Variants in TSG101 observed in about 807,000 individuals in gnomAD.
TSG101 encodes tumor susceptibility gene 101 protein.
A neutral mutation model predicts 48.5 loss-of-function variants in TSG101; 19 were observed. The observed-to-expected ratio is 0.39, with a 90% CI of 0.27 to 0.58. The LOEUF (loss-of-function observed/expected upper bound fraction) is 0.58, where lower values mean the gene tolerates loss of function less well. Ranked by LOEUF, TSG101 falls within the 20% of genes least tolerant of loss-of-function variation. The probability of loss-of-function intolerance (pLI) is 0.55; values close to 1 mark genes in which losing one functional copy is unlikely to be tolerated. For missense variants in TSG101, 365 were observed against 484.4 expected (o/e 0.75, Z 2.31); for synonymous variants, 174 against 169.4 (o/e 1.03, Z -0.21).
intron 2 of TSG101, among the ~76,000 whole-genome samples, chr11:18,516,834 G>A (rs566529284): frequency 2.0e-5 from 3 of 151,546 alleles, no homozygotes; most frequent in African/African-American, 7.2e-5. Context: ...CCAGCTACTC[G>A]GAAGGCTGAG....
intron 7 of TSG101, among the ~76,000 whole-genome samples, chr11:18,491,250 T>G (rs1849697002): frequency 6.6e-6 from 1 of 152,038 alleles, no homozygotes; most frequent in African/African-American, 2.4e-5. Context: ...CCTGACTAAT[T>G]AGAGTGTTCT....
At chr11:18,505,313 G>C (rs899419301) in intron 6 of TSG101, among the ~76,000 whole-genome samples, 1 of 151,592 alleles carries the variant, frequency 6.6e-6, no homozygotes, top group African/African-American at 2.4e-5. Context: ...CTGGAGTACA[G>C]TGGTGCAATT....
intron 7 of TSG101, among the ~76,000 whole-genome samples, chr11:18,488,311 C>T (rs932882548): frequency 6.6e-6 from 1 of 152,018 alleles, no homozygotes; most frequent in Non-Finnish European, 1.5e-5. Flanking sequence ...AGCAGATGGA[C>T]AAACAGATGG....
chr11:18,483,724 G>A, intron 8 of TSG101, 146 bp downstream of exon 8: 1 of 808,222 alleles, frequency 1.2e-6, no homozygotes, highest in East Asian at 2.6e-5. Flanking sequence ...TGTAAACAAA[G>A]GTATAAAAAA....
chr11:18,503,747 T>C (rs968721921), intron 6 of TSG101, among the ~76,000 whole-genome samples: 1 of 152,212 alleles, frequency 6.6e-6, no homozygotes, highest in African/African-American at 2.4e-5. Flanking sequence ...TCTGAATGCT[T>C]ACTAGTCAGT....
At chr11:18,521,799 T>C (rs1410129415) in intron 1 of TSG101, among the ~76,000 whole-genome samples, 2 of 149,518 alleles carry the variant, frequency 1.3e-5, no homozygotes, top group East Asian at 4.0e-4. Context: ...ATCTCAGCCT[T>C]CCAAGTAGCT....
At chr11:18,482,921 C>T (rs1206977305) in intron 8 of TSG101, among the ~76,000 whole-genome samples, 3 of 152,162 alleles carry the variant, frequency 2.0e-5, no homozygotes, top group Non-Finnish European at 2.9e-5. Context: ...TGGGTTAAAA[C>T]ATCCTTTGCC....
At chr11:18,517,271 T>A (rs1850194437) in intron 2 of TSG101, among the ~76,000 whole-genome samples, 1 of 152,064 alleles carries the variant, frequency 6.6e-6, no homozygotes, top group South Asian at 2.1e-4. Flanking sequence ...CTCAGCCTCC[T>A]TAGCCAGTAT....
At position 18,505,574 on chromosome 11, in the gene TSG101, A is replaced by G. The variant is rs76262127; in HGVS notation, c.548+1283T>C. Among the ~76,000 whole-genome samples the G allele has an allele frequency of 3.2e-4, 48 of 152,202 alleles. 2 individuals carry two copies. In the East Asian group the frequency reaches 9.3e-3, roughly 29 times the overall value. ...CACCTTTGGAGAGTACTCCTAGATT[A>G]CCACTGAAACAAGTACACATTTAAA... On this transcript the variant is annotated intron_variant, in intron 6 of 9. Coordinates refer to ENST00000251968, the MANE Select transcript of TSG101 (RefSeq NM_006292.4).
intron 1 of TSG101, among the ~76,000 whole-genome samples, chr11:18,520,697 T>C (rs984101018): frequency 3.9e-5 from 6 of 152,224 alleles, no homozygotes; most frequent in African/African-American, 1.4e-4. Flanking sequence ...CATAGATATA[T>C]GTTTCTGTGA....
intron 7 of TSG101, chr11:18,490,357 C>G (rs1849680686): frequency 1.7e-6 from 1 of 604,376 alleles, no homozygotes; most frequent in Admixed American, 1.9e-5. Context: ...TTCAGTGTAT[C>G]CAATTCAGTA....
chr11:18,500,086 G>A (rs1264515126), intron 7 of TSG101, among the ~76,000 whole-genome samples: 2 of 152,008 alleles, frequency 1.3e-5, no homozygotes, highest in Non-Finnish European at 2.9e-5. Flanking sequence ...GCTCCCACAT[G>A]AGAACATTTG....
intron 5 of TSG101, chr11:18,508,474 G>C (rs1590282754): frequency 6.6e-6 from 1 of 152,008 alleles, no homozygotes; most frequent in Admixed American, 6.6e-5. Context: ...TGGGGTTACA[G>C]CTACCACACC....
At chr11:18,481,486 A>G in intron 9 of TSG101, 144 bp downstream of exon 9, 10 of 1,441,676 alleles carry the variant, frequency 6.9e-6, no homozygotes, top group Non-Finnish European at 9.1e-6. Flanking sequence ...GATGGTGCAA[A>G]ACCCTACATC....
At chr11:18,486,860 A>G (rs1849627348) in intron 7 of TSG101, among the ~76,000 whole-genome samples, 1 of 152,138 alleles carries the variant, frequency 6.6e-6, no homozygotes, top group South Asian at 2.1e-4. Flanking sequence ...AAAGACTTGG[A>G]ACCAACCCAA....
intron 6 of TSG101, among the ~76,000 whole-genome samples, chr11:18,503,774 A>T (rs1279607206): frequency 6.6e-6 from 1 of 152,216 alleles, no homozygotes; most frequent in African/African-American, 2.4e-5. Context: ...CTTACAACGA[A>T]GAAGAAAATT....
At chr11:18,484,930 G>T (rs1849596625) in intron 7 of TSG101, among the ~76,000 whole-genome samples, 1 of 126,712 alleles carries the variant, frequency 7.9e-6, no homozygotes, top group Admixed American at 1.0e-4. Flanking sequence ...AACCTTAATT[G>T]CCGCCTTTTT....
At chr11:18,483,404 G>C (rs1849573110) in intron 8 of TSG101, among the ~76,000 whole-genome samples, 1 of 151,472 alleles carries the variant, frequency 6.6e-6, no homozygotes, top group Admixed American at 6.6e-5. Context: ...GCTGAGTCAG[G>C]AGAATCGCTT....
intron 4 of TSG101, among the ~76,000 whole-genome samples, chr11:18,510,559 T>G (rs1008753429): frequency 2.6e-5 from 4 of 151,962 alleles, no homozygotes; most frequent in Non-Finnish European, 4.4e-5. Flanking sequence ...GTTACTAAGA[T>G]TTTCTCTCAA....
Sources: gnomAD v4.1 joint callset for allele counts (sites outside exome capture counted in the v4.1 genomes callset) on GRCh38, gnomAD v4.1.1 for gene constraint, MANE v1.5 for transcripts, NCBI Gene and HGNC (gene_info 2026-07-23, HGNC 2026-07-21) for gene names.